Variants in NLGN1 observed in about 807,000 individuals in gnomAD.
The protein encoded by NLGN1 is neuroligin 1, also known as neuroligin-1.
In NLGN1, 12 loss-of-function variants were observed where a neutral mutation model predicts 65.5. The ratio of observed to expected loss-of-function variants is 0.18; its 90% CI spans 0.12 to 0.30. The LOEUF (loss-of-function observed/expected upper bound fraction) is 0.30, where lower values mean the gene tolerates loss of function less well. NLGN1 is among the 10% of genes least tolerant of loss of function. The pLI, the probability that NLGN1 is intolerant of heterozygous loss-of-function variation, is 1.00. For missense variants in NLGN1, 750 were observed against 1,007.1 expected (o/e 0.74, Z 3.46); for synonymous variants, 350 against 359.5 (o/e 0.97, Z 0.30).
chr3:174,062,221 T>C (rs1044400276), intron 4 of NLGN1, among the ~76,000 whole-genome samples: 2 of 152,090 alleles, frequency 1.3e-5, no homozygotes, highest in Middle Eastern at 3.2e-3. Flanking sequence ...AAGAAAGCTT[T>C]TGAAGCTTGG....
At chr3:173,593,184 T>C (rs969324621) in intron 2 of NLGN1, among the ~76,000 whole-genome samples, 1 of 152,226 alleles carries the variant, frequency 6.6e-6, no homozygotes, top group African/African-American at 2.4e-5. Flanking sequence ...GTAATTGACT[T>C]ACTTAAAGTC....
Position 174,047,812 on chromosome 3 carries a change from A to C in NLGN1, c.647-227503A>C, listed in dbSNP as rs976879458. Among the ~76,000 whole-genome samples the C allele has an allele frequency of 3.3e-5, 5 of 152,098 alleles. No homozygotes were observed. The East Asian group carries it at 9.7e-4, about 29-fold the overall frequency. On this transcript the variant is annotated intron_variant, in intron 4 of 6. Coordinates refer to ENST00000457714, the Ensembl canonical transcript of NLGN1. ...TCTAAATATTTGAGATAGTAAAAAA[A>C]AAAAAGATATAATTTGCAAGATTTT... is the stretch of plus-strand genomic sequence containing the variant.
At chr3:173,679,366 C>T (rs112113963) in intron 3 of NLGN1, among the ~76,000 whole-genome samples, 69 of 152,038 alleles carry the variant, frequency 4.5e-4, no homozygotes, top group African/African-American at 1.5e-3. Context: ...GCTGAAATAG[C>T]GTAAAGATTT....
intron 3 of NLGN1, among the ~76,000 whole-genome samples, chr3:173,684,288 A>G (rs1309887548): frequency 6.6e-6 from 1 of 152,168 alleles, no homozygotes; most frequent in Non-Finnish European, 1.5e-5. Context: ...TCACTTCTAT[A>G]TACCTTTCCA....
intron 4 of NLGN1, among the ~76,000 whole-genome samples, chr3:174,257,126 A>T (rs1197288108): frequency 6.6e-6 from 1 of 152,358 alleles, no homozygotes; most frequent in East Asian, 1.9e-4. Context: ...AAAAGAAGAC[A>T]TAAATGCAGC....
chr3:173,963,786 A>T (rs879745264), intron 4 of NLGN1, among the ~76,000 whole-genome samples: 6 of 152,218 alleles, frequency 3.9e-5, no homozygotes, highest in African/African-American at 1.4e-4. Flanking sequence ...TGGCTTGCCA[A>T]TTAGTCAGCT....
intron 4 of NLGN1, among the ~76,000 whole-genome samples, chr3:173,931,936 G>C (rs1489279836): frequency 6.6e-6 from 1 of 152,106 alleles, no homozygotes; most frequent in Non-Finnish European, 1.5e-5. Context: ...TTCACAGTTT[G>C]GATGAGAGAT....
At chr3:173,982,437 AG>A (rs1333224748) in intron 4 of NLGN1, among the ~76,000 whole-genome samples, 1 of 152,156 alleles carries the variant, frequency 6.6e-6, no homozygotes, top group Admixed American at 6.6e-5. Flanking sequence ...GAACTCTCCT[AG>A]CCTCTCTAGC....
At chr3:173,808,828 A>G (rs1442519868) in intron 4 of NLGN1, among the ~76,000 whole-genome samples, 2 of 152,168 alleles carry the variant, frequency 1.3e-5, no homozygotes, top group African/African-American at 2.4e-5. Context: ...CTGAAAAAGG[A>G]ATTTGTATTA....
chr3:174,031,873 A>G (rs1451747919), intron 4 of NLGN1, among the ~76,000 whole-genome samples: 1 of 152,082 alleles, frequency 6.6e-6, no homozygotes, highest in African/African-American at 2.4e-5. Context: ...CACAAGGCCT[A>G]CATTGTGTAA....
At chr3:174,171,553 A>G (rs1226322861) in intron 4 of NLGN1, among the ~76,000 whole-genome samples, 2 of 152,196 alleles carry the variant, frequency 1.3e-5, no homozygotes, top group Non-Finnish European at 1.5e-5. Context: ...TGTCTTAAAG[A>G]GATCTTTAAT....
At chr3:173,862,385 A>G (rs960412729) in intron 4 of NLGN1, among the ~76,000 whole-genome samples, 2 of 150,340 alleles carry the variant, frequency 1.3e-5, no homozygotes, top group East Asian at 2.0e-4. Context: ...GGGCGCCTGT[A>G]GTCCCAGCTA....
At chr3:173,572,126 T>C (rs1744749255) in intron 2 of NLGN1, among the ~76,000 whole-genome samples, 2 of 152,238 alleles carry the variant, frequency 1.3e-5, no homozygotes, top group Admixed American at 6.5e-5. Context: ...TTGTTACCAT[T>C]CTACAGAGTC....
chr3:173,638,700 T>A (rs1756967311), intron 3 of NLGN1, among the ~76,000 whole-genome samples: 1 of 152,142 alleles, frequency 6.6e-6, no homozygotes, highest in Admixed American at 6.6e-5. Context: ...AGAGATGGAA[T>A]CTCTATGAGG....
chr3:173,693,253 C>T (rs527942652), intron 3 of NLGN1, among the ~76,000 whole-genome samples: 2 of 151,924 alleles, frequency 1.3e-5, no homozygotes, highest in Admixed American at 6.6e-5. Context: ...TCATGTATTT[C>T]GGAACACCAG....
intron 4 of NLGN1, among the ~76,000 whole-genome samples, chr3:173,888,608 T>G (rs961934117): frequency 2.6e-5 from 4 of 152,078 alleles, no homozygotes; most frequent in African/African-American, 7.2e-5. Context: ...TTTTTTGTGT[T>G]ATGTTCATAT....
intron 3 of NLGN1, among the ~76,000 whole-genome samples, chr3:173,622,513 T>C (rs773279606): frequency 1.8e-4 from 27 of 151,736 alleles, no homozygotes; most frequent in Non-Finnish European, 2.9e-4. Context: ...CAGAGCATGA[T>C]AGAATGCCCA....
At chr3:173,464,538 C>T (rs1179184592) in intron 2 of NLGN1, among the ~76,000 whole-genome samples, 2 of 149,966 alleles carry the variant, frequency 1.3e-5, no homozygotes, top group Non-Finnish European at 3.0e-5. Flanking sequence ...TGGGTTCAAG[C>T]GATTCTCCTG....
At chr3:173,695,376 A>G (rs902739566) in intron 3 of NLGN1, among the ~76,000 whole-genome samples, 2 of 152,140 alleles carry the variant, frequency 1.3e-5, no homozygotes, top group African/African-American at 4.8e-5. Flanking sequence ...TATGTAGGAA[A>G]AGATAATTAG....
Sources: gnomAD v4.1 joint callset for allele counts (sites outside exome capture counted in the v4.1 genomes callset) on GRCh38, gnomAD v4.1.1 for gene constraint, MANE v1.5 for transcripts, NCBI Gene and HGNC (gene_info 2026-07-23, HGNC 2026-07-21) for gene names.